Variants in MARCHF1 observed in about 807,000 individuals in gnomAD.
The protein encoded by MARCHF1 is membrane associated ring-CH-type finger 1, also known as E3 ubiquitin-protein ligase MARCHF1.
In MARCHF1, 40 loss-of-function variants were observed where a neutral mutation model predicts 54.2. The ratio of observed to expected loss-of-function variants is 0.74; its 90% confidence interval spans 0.57 to 0.96. The LOEUF (loss-of-function observed/expected upper bound fraction) is 0.96. Ranked by LOEUF, MARCHF1 falls within the 40% of genes least tolerant of loss-of-function variation. The pLI, the probability that MARCHF1 is intolerant of heterozygous loss-of-function variation, is 0.00. For synonymous variants in MARCHF1, 236 were observed against 236.3 expected (o/e 1.00, Z 0.01); for missense variants, 586 against 656.5 (o/e 0.89, Z 1.17).
chr4:163,628,996 A>G (rs529027231), intron 5 of MARCHF1, among the ~76,000 whole-genome samples: 18 of 152,320 alleles, frequency 1.2e-4, no homozygotes, highest in Admixed American at 8.5e-4. Context: ...TATAGATTCA[A>G]TGCTATCCCC....
intron 1 of MARCHF1, among the ~76,000 whole-genome samples, chr4:164,378,998 C>A (rs1731282345): frequency 6.6e-6 from 1 of 152,202 alleles, no homozygotes; most frequent in Non-Finnish European, 1.5e-5. Context: ...CAGGCATGAG[C>A]CACTGCACCT....
chr4:164,135,640 G>T (rs1023697), intron 1 of MARCHF1: 78,944 of 152,032 alleles, frequency 0.52, 20,702 homozygotes, highest in South Asian at 0.6. Context: ...CCTCCCACAA[G>T]GTCCTTCCCC....
chr4:163,653,279 A>T (rs1415012707), intron 5 of MARCHF1, among the ~76,000 whole-genome samples: 1 of 151,808 alleles, frequency 6.6e-6, no homozygotes, highest in Non-Finnish European at 1.5e-5. Flanking sequence ...TGAGAGACAG[A>T]GTGAGAAGAA....
chr4:164,363,908 G>A (rs1199228032), intron 1 of MARCHF1, among the ~76,000 whole-genome samples: 3 of 151,700 alleles, frequency 2.0e-5, no homozygotes, highest in Non-Finnish European at 2.9e-5. Flanking sequence ...CAATGATAGG[G>A]TTTCAAATAC....
chr4:164,098,624 C>T (rs1755466919), intron 2 of MARCHF1, among the ~76,000 whole-genome samples: 1 of 152,214 alleles, frequency 6.6e-6, no homozygotes, highest in Admixed American at 6.5e-5. Flanking sequence ...AGAGCAGCAT[C>T]ACCAATAAAT....
At chr4:163,635,525 T>C (rs1742283843) in intron 5 of MARCHF1, among the ~76,000 whole-genome samples, 1 of 142,320 alleles carries the variant, frequency 7.0e-6, no homozygotes, top group Non-Finnish European at 1.5e-5. Flanking sequence ...ACACATATAC[T>C]CTCCCAAGAC....
intron 4 of MARCHF1, among the ~76,000 whole-genome samples, chr4:163,724,074 TG>T (rs1745570839): frequency 6.6e-6 from 1 of 152,246 alleles, no homozygotes; most frequent in Non-Finnish European, 1.5e-5. Context: ...CGAGGAGCTG[TG>T]TTCCTTTGGA....
chr4:164,182,235 G>T (rs1730850777), intron 1 of MARCHF1, among the ~76,000 whole-genome samples: 1 of 151,872 alleles, frequency 6.6e-6, no homozygotes, highest in Non-Finnish European at 1.5e-5. Flanking sequence ...GCCTGACATA[G>T]GTCAATACAG....
chr4:164,196,850 C>A (rs1731275457), intron 1 of MARCHF1, among the ~76,000 whole-genome samples: 1 of 152,096 alleles, frequency 6.6e-6, no homozygotes, highest in East Asian at 1.9e-4. Context: ...TTTCCCGTCT[C>A]ATTCCCACAG....
At chr4:163,555,743 C>T (rs1739264542) in intron 8 of MARCHF1, 1 of 293,742 alleles carries the variant, frequency 3.4e-6, no homozygotes, top group African/African-American at 2.2e-5. Flanking sequence ...CATAGTCTCT[C>T]TTCCCCAGAG....
intron 2 of MARCHF1, among the ~76,000 whole-genome samples, chr4:164,101,101 C>T (rs892703529): frequency 2.0e-5 from 3 of 152,216 alleles, no homozygotes; most frequent in Admixed American, 6.5e-5. Flanking sequence ...GCACCTGGCT[C>T]GGAGGGTCCT....
At chr4:164,130,736 C>T (rs1007034232) in intron 1 of MARCHF1, among the ~76,000 whole-genome samples, 5 of 152,240 alleles carry the variant, frequency 3.3e-5, no homozygotes, top group East Asian at 1.9e-4. Context: ...AGTGGCCACA[C>T]CTTGTGAACA....
chr4:164,255,607 C>A (rs1733257820), intron 1 of MARCHF1, among the ~76,000 whole-genome samples: 1 of 151,158 alleles, frequency 6.6e-6, no homozygotes, highest in African/African-American at 2.4e-5. Context: ...TTGAAAAGAA[C>A]AAAAAAATGG....
intron 3 of MARCHF1, among the ~76,000 whole-genome samples, chr4:163,900,969 C>A (rs1750927240): frequency 6.6e-6 from 1 of 152,266 alleles, no homozygotes; most frequent in Non-Finnish European, 1.5e-5. Context: ...ATGTTTATGG[C>A]AGATCCTGGC....
At position 164,176,716 on chromosome 4, in the gene MARCHF1, C is replaced by T. The variant is rs1730672808; in HGVS notation, c.-322-65054G>A. ...ATTTTATTTTTTTTCACACAGCTGC[C>T]TCATGGAAATATCATCATTAGATCC... is the stretch of plus-strand genomic sequence containing the variant. On this transcript the variant is annotated intron_variant, in intron 1 of 9. Transcript: ENST00000514618. Among the ~76,000 whole-genome samples the T allele has an allele frequency of 2.0e-5, 3 of 151,672 alleles. No individual in the cohort carries two copies. The South Asian group carries it at 6.2e-4, about 31-fold the overall frequency.
In MARCHF1 at chr4:164,145,628, A is replaced by G. The variant is rs575008219; in HGVS notation, c.-322-33966T>C. Among the ~76,000 whole-genome samples the G allele has an allele frequency of 2.6e-5, 4 of 152,312 alleles. No individual in the cohort carries two copies. In the South Asian group the frequency reaches 6.2e-4, roughly 24 times the overall value. On this transcript the variant is annotated intron_variant, in intron 1 of 9. Transcript: ENST00000514618. ...CCTTCGACAAAATTCAACAACCTTC[A>G]TGCCAAAAACTCTCAATAAATTAGG... is the stretch of plus-strand genomic sequence containing the variant.
At chr4:163,798,788 C>G (rs1271259473) in intron 4 of MARCHF1, among the ~76,000 whole-genome samples, 3 of 151,834 alleles carry the variant, frequency 2.0e-5, no homozygotes, top group Admixed American at 6.6e-5. Context: ...GAGACCATAA[C>G]AAGGGAATGG....
rs149159766 is a variant in MARCHF1, at chr4:164,139,679, CG to C, written c.-322-28018del. Among the ~76,000 whole-genome samples the C allele has an allele frequency of 5.9e-3, 899 of 152,114 alleles. 8 individuals carry two copies. The highest frequency in any genetic ancestry group is 0.019 in the African/African-American group (772 of 41,470). ...CCTGCTGTAAGAGTTGCTTACTCAG[CG>C]CAGGAGTAGAAAATGTCTTTAGTTT... On this transcript the variant is annotated intron_variant, in intron 1 of 9. Coordinates refer to ENST00000514618, the MANE Select transcript of MARCHF1 (RefSeq NM_001394959.1).
chr4:164,113,494 A>G (rs1755878433), intron 1 of MARCHF1, among the ~76,000 whole-genome samples: 1 of 152,026 alleles, frequency 6.6e-6, no homozygotes, highest in South Asian at 2.1e-4. Flanking sequence ...GAAAAAGAGG[A>G]AAGAAAGATG....
Sources: allele counts gnomAD v4.1 joint callset (sites outside exome capture counted in the v4.1 genomes callset), GRCh38; gene constraint gnomAD v4.1.1; transcripts MANE v1.5; gene names NCBI Gene and HGNC (gene_info 2026-07-23, HGNC 2026-07-21).